RAPGEF1: variants seen among roughly 807,000 people sequenced by gnomAD.
The protein encoded by RAPGEF1 is Rap guanine nucleotide exchange factor 1.
In RAPGEF1, 33 loss-of-function variants were observed where a neutral mutation model predicts 143.3. The observed-to-expected ratio is 0.23, with a 90% CI of 0.17 to 0.31. The LOEUF (loss-of-function observed/expected upper bound fraction) is 0.31. Among genes scored for constraint, RAPGEF1 ranks in the 10% least tolerant of loss-of-function variants. The pLI, the probability that RAPGEF1 is intolerant of heterozygous loss-of-function variation, is 1.00. For synonymous variants in RAPGEF1, 629 were observed against 676.5 expected, an observed-to-expected ratio of 0.93 and a Z score of 1.09; for missense variants, 1,199 against 1,645.4, an observed-to-expected ratio of 0.73 and a Z score of 4.69.
At chr9:131,619,333 G>T in intron 11 of RAPGEF1, 127 bp from the exon 12 acceptor site, 2 of 831,702 alleles carry the variant, frequency 2.4e-6, no homozygotes, top group Non-Finnish European at 3.4e-6. Flanking sequence ...TCTGGAGAGG[G>T]ATGGCTTCTG....
intron 12 of RAPGEF1, among the ~76,000 whole-genome samples, chr9:131,617,597 G>A (rs925887040): frequency 1.3e-5 from 2 of 152,218 alleles, no homozygotes; most frequent in Non-Finnish European, 2.9e-5. Flanking sequence ...TAACTCTCAT[G>A]TGTAAAGTTA....
chr9:131,726,006 G>A (rs937559812), intron 1 of RAPGEF1, among the ~76,000 whole-genome samples: 5 of 151,808 alleles, frequency 3.3e-5, no homozygotes, highest in African/African-American at 7.3e-5. Flanking sequence ...TGATTCACCC[G>A]CCTCAGCCTC....
At chr9:131,739,049 G>A (rs1837586958) in intron 1 of RAPGEF1, among the ~76,000 whole-genome samples, 1 of 152,134 alleles carries the variant, frequency 6.6e-6, no homozygotes, top group Admixed American at 6.5e-5. Context: ...AATAAAGCCT[G>A]GGGCCCCACA....
At chr9:131,604,709 G>A (rs142748087) in intron 13 of RAPGEF1, among the ~76,000 whole-genome samples, 10 of 152,336 alleles carry the variant, frequency 6.6e-5, no homozygotes, top group East Asian at 5.8e-4. Flanking sequence ...AGAAGAGTCA[G>A]TTCTGTTCTG....
chr9:131,629,081 G>C, intron 7 of RAPGEF1, 21 bp downstream of exon 7: 2 of 1,607,834 alleles, frequency 1.2e-6, no homozygotes, highest in Non-Finnish European at 1.7e-6. Flanking sequence ...GGAGGCACTG[G>C]ACAAATAGGA....
chr9:131,671,923 G>A (rs1282238433), intron 1 of RAPGEF1, among the ~76,000 whole-genome samples: 3 of 152,226 alleles, frequency 2.0e-5, no homozygotes, highest in Non-Finnish European at 4.4e-5. Flanking sequence ...CAGAGGCCAT[G>A]CATGTATTAA....
intron 1 of RAPGEF1, among the ~76,000 whole-genome samples, chr9:131,691,561 C>T (rs1833781230): frequency 6.6e-6 from 1 of 152,114 alleles, no homozygotes; most frequent in African/African-American, 2.4e-5. Context: ...TTGCTTTATT[C>T]TGATGCTTTT....
At position 131,739,767 on chromosome 9, in the gene RAPGEF1, CA is replaced by C; in HGVS notation, c.61+2del. The C allele has an allele frequency of 8.5e-7, 1 of 1,174,236 alleles. No homozygotes were observed. The highest frequency in any genetic ancestry group is 1.1e-6 in the Non-Finnish European group (1 of 932,562). The allele number at this position is 1,174,236 out of a possible 1,614,324, so 72.7% of individuals were successfully genotyped here. On this transcript the variant is annotated splice_donor_variant, in intron 1 of 26. Transcript: ENST00000683357. LOFTEE classifies it high-confidence loss of function. ...AGGGAGCCGCCCCACGCCCGCGCCT[CA>C]CCTGCTTTCTCGATCTTGCCGGACA...
intron 9 of RAPGEF1, among the ~76,000 whole-genome samples, chr9:131,627,213 CAAAAA>C (rs10690802): frequency 7.2e-5 from 7 of 97,402 alleles, no homozygotes; most frequent in South Asian, 8.5e-4. Flanking sequence ...GGCTCTGTCT[CAAAAA>C]AAAAAAAAAA....
At chr9:131,652,903 C>T (rs1188776202) in intron 1 of RAPGEF1, among the ~76,000 whole-genome samples, 1 of 152,176 alleles carries the variant, frequency 6.6e-6, no homozygotes, top group Non-Finnish European at 1.5e-5. Flanking sequence ...ACCAGCATCA[C>T]CACAAACAGG....
intron 1 of RAPGEF1, among the ~76,000 whole-genome samples, chr9:131,706,521 C>T (rs1835076383): frequency 6.6e-6 from 1 of 152,128 alleles, no homozygotes; most frequent in Non-Finnish European, 1.5e-5. Context: ...CCGCCTGCCT[C>T]GGCCTCCCAA....
chr9:131,630,392 C>A, intron 5 of RAPGEF1, 68 bp from the exon 6 acceptor site: 1 of 1,489,490 alleles, frequency 6.7e-7, no homozygotes, highest in Non-Finnish European at 9.3e-7. Flanking sequence ...AGAAGGCAGG[C>A]AGGTGCTGTC....
chr9:131,682,772 C>A (rs1833024044), intron 1 of RAPGEF1, among the ~76,000 whole-genome samples: 1 of 152,082 alleles, frequency 6.6e-6, no homozygotes, highest in Non-Finnish European at 1.5e-5. Context: ...GATAAACATC[C>A]TACCTGTGAA....
At chr9:131,589,708 G>A (rs575964298) in intron 19 of RAPGEF1, among the ~76,000 whole-genome samples, 178 bp downstream of exon 19, 3 of 152,320 alleles carry the variant, frequency 2.0e-5, no homozygotes, top group East Asian at 3.9e-4. Flanking sequence ...TGGGTGCAGG[G>A]TGGAGAGACA....
intron 1 of RAPGEF1, among the ~76,000 whole-genome samples, chr9:131,664,098 A>G (rs1830042054): frequency 1.3e-5 from 2 of 152,088 alleles, no homozygotes; most frequent in Non-Finnish European, 2.9e-5. Context: ...TCATGTTCAA[A>G]CTTCCAAACT....
At chr9:131,721,070 G>A (rs993911055) in intron 1 of RAPGEF1, among the ~76,000 whole-genome samples, 2 of 152,036 alleles carry the variant, frequency 1.3e-5, no homozygotes, top group African/African-American at 2.4e-5. Flanking sequence ...ATGGGAGAAC[G>A]GAGCCCCAGA....
At chr9:131,719,268 C>T (rs749786716) in intron 1 of RAPGEF1, among the ~76,000 whole-genome samples, 6 of 152,230 alleles carry the variant, frequency 3.9e-5, no homozygotes, top group Non-Finnish European at 8.8e-5. Flanking sequence ...AAAGAGTTTT[C>T]TTCCCAACTG....
chr9:131,719,769 T>C (rs1836129782), intron 1 of RAPGEF1, among the ~76,000 whole-genome samples: 1 of 152,036 alleles, frequency 6.6e-6, no homozygotes, highest in Admixed American at 6.5e-5. Context: ...GAGCTTTTCT[T>C]TGAGATCTGA....
rs951225019 is a variant in RAPGEF1 at position 131,739,834 on chromosome 9, G to A, written c.-4C>T. 11 of 1,048,646 alleles carry A rather than the reference G, an allele frequency of 1.0e-5. No individual in the cohort carries two copies. Among genetic ancestry groups the A allele is most frequent in the South Asian group, 3.4e-5 (1 of 29,160 alleles). 65.0% of individuals were successfully genotyped at this position (1,048,646 alleles called of 1,614,324 possible). On this transcript the variant is annotated 5_prime_UTR_variant, in exon 1 of 27. Transcript: ENST00000683357. ...GGAGGCCGAGGCCGCCGCTCATCGG[G>A]CCCGGGCCGGGCCGCCGCGGGGCGA...
Sources: gnomAD v4.1 joint callset for allele counts (sites outside exome capture counted in the v4.1 genomes callset) on GRCh38, gnomAD v4.1.1 for gene constraint, MANE v1.5 for transcripts, NCBI Gene and HGNC (gene_info 2026-07-23, HGNC 2026-07-21) for gene names.